Variants in NAALADL2 observed in about 807,000 individuals in gnomAD.
The protein encoded by NAALADL2 is N-acetylated alpha-linked acidic dipeptidase like 2, also known as inactive N-acetylated-alpha-linked acidic dipeptidase-like protein 2.
NAALADL2 carries 76 observed loss-of-function variants against 87.2 expected under a neutral mutation model. The ratio of observed to expected loss-of-function variants is 0.87; its 90% CI spans 0.72 to 1.05. The LOEUF is 1.05. Among genes scored for constraint, NAALADL2 ranks in the 50% least tolerant of loss-of-function variants. NAALADL2 has a pLI of 0.00. For synonymous variants in NAALADL2, 354 were observed against 331.0 expected (o/e 1.07, Z -0.75); for missense variants, 1,089 against 945.8 (o/e 1.15, Z -1.99).
chr3:175,265,674 A>G, intron 4 of NAALADL2, among the ~76,000 whole-genome samples: 1 of 151,556 alleles, frequency 6.6e-6, no homozygotes, highest in East Asian at 1.9e-4. Flanking sequence ...TCTGTTTGGG[A>G]AAAAAATACT....
intron 2 of NAALADL2, among the ~76,000 whole-genome samples, chr3:175,121,032 A>G (rs1389240738): frequency 6.6e-6 from 1 of 151,724 alleles, no homozygotes; most frequent in Non-Finnish European, 1.5e-5. Context: ...TTTTGCATCT[A>G]CCTTTTAAGT....
At chr3:174,639,711 G>T (rs1284249962) in intron 2 of NAALADL2, among the ~76,000 whole-genome samples, 4 of 152,034 alleles carry the variant, frequency 2.6e-5, no homozygotes, top group Non-Finnish European at 4.4e-5. Flanking sequence ...CCTCCGAAAA[G>T]AATTTTGAAA....
intron 2 of NAALADL2, among the ~76,000 whole-genome samples, chr3:174,712,039 G>A (rs957448785): frequency 1.1e-4 from 17 of 151,816 alleles, no homozygotes; most frequent in African/African-American, 9.7e-5. Flanking sequence ...CACCCACCTC[G>A]GCCTCCCAAA....
At chr3:175,782,008 A>G (rs1208034302) in intron 13 of NAALADL2, among the ~76,000 whole-genome samples, 1 of 151,288 alleles carries the variant, frequency 6.6e-6, no homozygotes, top group East Asian at 2.0e-4. Context: ...TTCCAATTTC[A>G]TCCATGTCCC....
At chr3:175,331,394 A>T (rs1440560636) in intron 5 of NAALADL2, among the ~76,000 whole-genome samples, 1 of 152,206 alleles carries the variant, frequency 6.6e-6, no homozygotes, top group Non-Finnish European at 1.5e-5. Context: ...AGACACAAAA[A>T]ATCATCAACC....
At chr3:174,487,798 G>A (rs1717948218) in intron 1 of NAALADL2, among the ~76,000 whole-genome samples, 1 of 151,796 alleles carries the variant, frequency 6.6e-6, no homozygotes, top group Non-Finnish European at 1.5e-5. Flanking sequence ...GGAGGTGCTG[G>A]AATGCAAAGG....
chr3:175,187,038 G>A (rs1231945505), intron 2 of NAALADL2, among the ~76,000 whole-genome samples: 1 of 151,902 alleles, frequency 6.6e-6, no homozygotes, highest in East Asian at 1.9e-4. Flanking sequence ...AATTCAAAAA[G>A]CTAGGTGATT....
At chr3:175,090,983 A>G (rs569447912) in intron 1 of NAALADL2, among the ~76,000 whole-genome samples, 213 of 54,538 alleles carry the variant, frequency 3.9e-3, no homozygotes, top group African/African-American at 0.019. Flanking sequence ...GAAAAAAAAA[A>G]TATCATTATA....
chr3:174,653,502 C>A (rs549454966), intron 2 of NAALADL2, among the ~76,000 whole-genome samples: 1 of 152,152 alleles, frequency 6.6e-6, no homozygotes, highest in East Asian at 1.9e-4. Context: ...GAGAGAAAAA[C>A]ATGTAAAATA....
At chr3:175,687,779 C>T (rs1736504528) in intron 11 of NAALADL2, among the ~76,000 whole-genome samples, 1 of 152,072 alleles carries the variant, frequency 6.6e-6, no homozygotes, top group South Asian at 2.1e-4. Flanking sequence ...TGAGTTCATT[C>T]TTTCTCTGAG....
chr3:174,672,713 A>AG (rs762638753), intron 2 of NAALADL2, among the ~76,000 whole-genome samples: 5 of 152,042 alleles, frequency 3.3e-5, no homozygotes. Flanking sequence ...CAGGGAGTAA[A>AG]GCATGTGATT....
chr3:175,300,308 C>T (rs58645341), intron 4 of NAALADL2, among the ~76,000 whole-genome samples: 27,428 of 152,008 alleles, frequency 0.18, 2,730 homozygotes, highest in African/African-American at 0.26. Context: ...CCTCATAAAA[C>T]GAGTTAGGGA....
At chr3:174,909,077 A>G (rs1308008567) in intron 1 of NAALADL2, among the ~76,000 whole-genome samples, 2 of 152,050 alleles carry the variant, frequency 1.3e-5, no homozygotes, top group East Asian at 3.9e-4. Flanking sequence ...TAGCTAAAAT[A>G]TGCATGTAAC....
chr3:174,834,535 C>T (rs987525651), intron 3 of NAALADL2, among the ~76,000 whole-genome samples: 1 of 151,754 alleles, frequency 6.6e-6, no homozygotes, highest in African/African-American at 2.4e-5. Context: ...TGTCATGTTC[C>T]AATATGTAGA....
chr3:175,151,184 G>A (rs762341429), intron 2 of NAALADL2, among the ~76,000 whole-genome samples: 1 of 152,174 alleles, frequency 6.6e-6, no homozygotes, highest in Non-Finnish European at 1.5e-5. Context: ...ATCTGTGTCT[G>A]CATTTACAAC....
intron 2 of NAALADL2, among the ~76,000 whole-genome samples, chr3:175,190,811 C>CTA (rs1460809669): frequency 1.3e-5 from 2 of 151,868 alleles, no homozygotes; most frequent in South Asian, 4.2e-4. Flanking sequence ...CCCGTCTCTA[C>CTA]TAAAAATACA....
At chr3:175,245,003 G>A (rs932958078) in intron 3 of NAALADL2, among the ~76,000 whole-genome samples, 1 of 152,154 alleles carries the variant, frequency 6.6e-6, no homozygotes, top group East Asian at 1.9e-4. Flanking sequence ...CCAGAATACA[G>A]TGTGTCACAT....
intron 2 of NAALADL2, among the ~76,000 whole-genome samples, chr3:174,707,843 A>C (rs149904463): frequency 0.011 from 1,608 of 150,718 alleles, 18 homozygotes; most frequent in Admixed American, 0.024. Flanking sequence ...CCAAAGCACA[A>C]AAAAAAAAGC....
At chr3:175,418,212 C>T (rs56699622) in intron 5 of NAALADL2, among the ~76,000 whole-genome samples, 2,732 of 152,274 alleles carry the variant, frequency 0.018, 86 homozygotes, top group African/African-American at 0.062. Flanking sequence ...GTAAAGATTA[C>T]ATTTGTTTCT....
Sources: gnomAD v4.1 joint callset for allele counts (sites outside exome capture counted in the v4.1 genomes callset) on GRCh38, gnomAD v4.1.1 for gene constraint, MANE v1.5 for transcripts, NCBI Gene and HGNC (gene_info 2026-07-23, HGNC 2026-07-21) for gene names.